GALNT13: variants seen among roughly 807,000 people sequenced by gnomAD.
GALNT13 encodes the protein UDP-GalNAc:polypeptide N-acetylgalactosaminyltransferase 13.
In GALNT13, 28 loss-of-function variants were observed where a neutral mutation model predicts 64.2. The observed-to-expected ratio is 0.44, with a 90% CI of 0.32 to 0.60. The LOEUF (loss-of-function observed/expected upper bound fraction) is 0.60. GALNT13 is among the 20% of genes least tolerant of loss of function. The pLI is 0.05. For missense variants in GALNT13, 577 were observed against 669.8 expected, an observed-to-expected ratio of 0.86 and a Z score of 1.53; for synonymous variants, 214 against 224.6, an observed-to-expected ratio of 0.95 and a Z score of 0.42.
chr2:153,357,282 AT>A, the GALNT13 span: 2 of 152,224 alleles, frequency 1.3e-5, no homozygotes, highest in African/African-American at 2.4e-5. Flanking sequence ...AATGAAAAAA[AT>A]CATTCAGACT....
intron 3 of GALNT13, among the ~76,000 whole-genome samples, chr2:154,024,278 C>T (rs1018022009): frequency 7.9e-5 from 12 of 152,292 alleles, no homozygotes; most frequent in South Asian, 2.1e-4. Flanking sequence ...TGGATAATAT[C>T]CTGCAGAGTG....
chr2:154,303,739 T>C (rs1224967521), intron 9 of GALNT13, among the ~76,000 whole-genome samples: 1 of 152,088 alleles, frequency 6.6e-6, no homozygotes, highest in African/African-American at 2.4e-5. Flanking sequence ...GGTCCAAGTT[T>C]AGTCCTCATA....
chr2:153,466,760 C>T, the GALNT13 span, among the ~76,000 whole-genome samples: 2 of 151,994 alleles, frequency 1.3e-5, no homozygotes, highest in African/African-American at 4.8e-5. Context: ...AATACAGGAC[C>T]TTGTATTTTT....
intron 4 of GALNT13, among the ~76,000 whole-genome samples, chr2:154,227,941 T>C (rs571727711): frequency 6.6e-6 from 1 of 152,250 alleles, no homozygotes; most frequent in East Asian, 1.9e-4. Flanking sequence ...CTGTTTTTAG[T>C]AGTGGTATTT....
the GALNT13 span, among the ~76,000 whole-genome samples, chr2:153,629,278 T>C: frequency 6.6e-6 from 1 of 151,796 alleles, no homozygotes; most frequent in Admixed American, 6.6e-5. Flanking sequence ...CAAAACAGCA[T>C]GATACTGGTA....
At chr2:153,675,442 G>A in the GALNT13 span, among the ~76,000 whole-genome samples, 1 of 152,102 alleles carries the variant, frequency 6.6e-6, no homozygotes, top group Non-Finnish European at 1.5e-5. Flanking sequence ...ACTATCATAA[G>A]GACAGAAAAC....
At chr2:154,081,215 G>A (rs569631874) in intron 3 of GALNT13, among the ~76,000 whole-genome samples, 3 of 151,282 alleles carry the variant, frequency 2.0e-5, no homozygotes, top group African/African-American at 4.8e-5. Flanking sequence ...CTCCACCCTC[G>A]TACCCTTCCC....
chr2:153,620,452 C>A, the GALNT13 span, among the ~76,000 whole-genome samples: 1 of 151,848 alleles, frequency 6.6e-6, no homozygotes, highest in Non-Finnish European at 1.5e-5. Flanking sequence ...GCTTTTTGTT[C>A]TTTTTTTCTT....
the GALNT13 span, among the ~76,000 whole-genome samples, chr2:153,572,401 A>G: frequency 0.22 from 33,785 of 150,604 alleles, 4,201 homozygotes; most frequent in Admixed American, 0.38. Flanking sequence ...CAAAAAAACA[A>G]AATTTTGTTT....
intron 2 of GALNT13, among the ~76,000 whole-genome samples, chr2:153,925,460 A>G (rs890191922): frequency 9.2e-5 from 13 of 141,326 alleles, no homozygotes; most frequent in Admixed American, 4.2e-4. Context: ...CTTTAGCTGT[A>G]TAGTATAGTT....
At chr2:153,122,778 C>T in the GALNT13 span, among the ~76,000 whole-genome samples, 93 of 152,148 alleles carry the variant, frequency 6.1e-4, no homozygotes, top group Non-Finnish European at 1.2e-3. Flanking sequence ...CTGGAATCTG[C>T]ATCTTTACCA....
intron 3 of GALNT13, among the ~76,000 whole-genome samples, chr2:153,951,163 A>G (rs2105402343): frequency 6.6e-6 from 1 of 152,198 alleles, no homozygotes; most frequent in South Asian, 2.1e-4. Flanking sequence ...ACTGTAGGGT[A>G]TTATTACAGT....
chr2:154,178,648 C>T (rs1573817834), intron 4 of GALNT13, among the ~76,000 whole-genome samples: 1 of 152,166 alleles, frequency 6.6e-6, no homozygotes, highest in Non-Finnish European at 1.5e-5. Context: ...TATCAATTAA[C>T]ATATTCTTCA....
intron 3 of GALNT13, among the ~76,000 whole-genome samples, chr2:153,945,811 A>C (rs1172377044): frequency 6.6e-6 from 1 of 152,126 alleles, no homozygotes; most frequent in East Asian, 1.9e-4. Flanking sequence ...GCTTTAGATT[A>C]CAGAAATACT....
At chr2:154,132,397 T>A (rs1558976237) in intron 3 of GALNT13, among the ~76,000 whole-genome samples, 1 of 152,198 alleles carries the variant, frequency 6.6e-6, no homozygotes, top group African/African-American at 2.4e-5. Context: ...CCTTTTTTTT[T>A]ACTTAGTATA....
At chr2:153,102,388 C>T in the GALNT13 span, among the ~76,000 whole-genome samples, 2 of 151,962 alleles carry the variant, frequency 1.3e-5, no homozygotes, top group Non-Finnish European at 2.9e-5. Flanking sequence ...TCAGTGGCTA[C>T]ATTGGAAGGT....
chr2:153,799,595 A>C, the GALNT13 span, among the ~76,000 whole-genome samples: 1 of 152,192 alleles, frequency 6.6e-6, no homozygotes, highest in Non-Finnish European at 1.5e-5. Context: ...ATGCTCTGCC[A>C]TTATAGTAAC....
At chr2:154,213,479 T>C (rs922676100) in intron 4 of GALNT13, among the ~76,000 whole-genome samples, 12 of 152,168 alleles carry the variant, frequency 7.9e-5, no homozygotes, top group Non-Finnish European at 1.3e-4. Context: ...CATATGAATT[T>C]ATAAACCATA....
the GALNT13 span, among the ~76,000 whole-genome samples, chr2:153,229,954 T>G: frequency 1.3e-5 from 2 of 152,206 alleles, no homozygotes; most frequent in African/African-American, 4.8e-5. Flanking sequence ...GGTACTGAGA[T>G]GTCCAGTAAA....
Sources: allele counts gnomAD v4.1 joint callset (sites outside exome capture counted in the v4.1 genomes callset), GRCh38; gene constraint gnomAD v4.1.1; transcripts MANE v1.5; gene names NCBI Gene and HGNC (gene_info 2026-07-23, HGNC 2026-07-21).